The following ABCA10 variants were observed in gnomAD, a reference collection of about 807,000 sequenced individuals.
The protein encoded by ABCA10 is ATP-binding cassette sub-family A member 10.
Under a neutral mutation model 187.5 loss-of-function variants are expected in ABCA10, and 169 were observed. That is an observed-to-expected ratio of 0.90 (90% confidence interval 0.80 to 1.02). ABCA10 has a LOEUF of 1.02. ABCA10 is among the 50% of genes least tolerant of loss of function. The pLI, the probability that ABCA10 is intolerant of heterozygous loss-of-function variation, is 0.00. For missense variants in ABCA10, 1,727 were observed against 1,812.4 expected (o/e 0.95, Z 0.86); for synonymous variants, 574 against 601.8 (o/e 0.95, Z 0.68).
chr17:69,175,459 TCAA>T lies in ABCA10; in HGVS notation c.2821_2823del (p.Leu941del). Reference sequence around the variant, plus strand: ...ATAAAAGGAGAAACGCAGTTTGTGATCAACAACAAAAATATGGACCCATCTATA... The same window carrying T: ...ATAAAAGGAGAAACGCAGTTTGTGATCAACAAAAATATGGACCCATCTATA... On this transcript the variant is annotated inframe_deletion, in exon 23 of 39. Transcript: ENST00000690296. 1 of 1,612,220 alleles carries T rather than the reference TCAA, an allele frequency of 6.2e-7. No individual in the cohort carries two copies. Among genetic ancestry groups the T allele is most frequent in the Non-Finnish European group, 8.5e-7 (1 of 1,178,808 alleles).
At chr17:69,211,174 CA>C (rs377365744) in intron 9 of ABCA10, among the ~76,000 whole-genome samples, 40 of 151,096 alleles carry the variant, frequency 2.6e-4, no homozygotes, top group African/African-American at 9.7e-4. Context: ...AAGACACTTG[CA>C]TATGAATGTT....
intron 12 of ABCA10, 145 bp from the exon 13 acceptor site, chr17:69,194,134 G>T: frequency 1.2e-6 from 1 of 837,032 alleles, no homozygotes; most frequent in South Asian, 1.9e-5. Context: ...TTAATACATT[G>T]AATAATTCAG....
chr17:69,170,265 G>A (rs1304592801), intron 25 of ABCA10, among the ~76,000 whole-genome samples: 1 of 145,278 alleles, frequency 6.9e-6, no homozygotes, highest in Non-Finnish European at 1.5e-5. Flanking sequence ...TCCAGCCTGG[G>A]CAACAGAGTG....
At chr17:69,184,716 G>A (rs1435153804) in intron 20 of ABCA10, among the ~76,000 whole-genome samples, 6 of 151,928 alleles carry the variant, frequency 3.9e-5, no homozygotes, top group Non-Finnish European at 5.9e-5. Context: ...TCTACTCAGA[G>A]GAAAAGAAGT....
intron 6 of ABCA10, 148 bp from the exon 7 acceptor site, chr17:69,216,506 A>G (rs1328441135): frequency 2.4e-6 from 2 of 837,556 alleles, no homozygotes; most frequent in Non-Finnish European, 3.5e-6. Flanking sequence ...ACTATTAGCA[A>G]GTTATTTATC....
At chr17:69,174,905 TC>T in intron 23 of ABCA10, 128 bp from the exon 24 acceptor site, 2 of 747,942 alleles carry the variant, frequency 2.7e-6, no homozygotes, top group South Asian at 9.4e-5. Context: ...AAAAGCATCC[TC>T]CTAAAAATCT....
chr17:69,156,749 A>C, intron 28 of ABCA10, 83 bp downstream of exon 28: 1 of 847,826 alleles, frequency 1.2e-6, no homozygotes, highest in Non-Finnish European at 1.6e-6. Flanking sequence ...TCAAAAACAA[A>C]AACAAATAAA....
At chr17:69,163,543 C>T (rs1024663678) in intron 27 of ABCA10, among the ~76,000 whole-genome samples, 3 of 152,212 alleles carry the variant, frequency 2.0e-5, no homozygotes, top group African/African-American at 4.8e-5. Flanking sequence ...GTTTATAAAT[C>T]AAAACAAATT....
intron 5 of ABCA10, 26 bp downstream of exon 5, chr17:69,221,766 A>T (rs2074749418): frequency 6.4e-7 from 1 of 1,566,342 alleles, no homozygotes; most frequent in African/African-American, 1.4e-5. Flanking sequence ...CAGATTTAAA[A>T]TATAGCTTTG....
Position 69,216,188 on chromosome 17 carries a change from T to C in ABCA10, c.672+29A>G, listed in dbSNP as rs778858632. ...CATGTATCTGTAATCTGAAACAGGT[T>C]AAGAGGTAATATGCTTTTACCAACT... On this transcript the variant is annotated intron_variant, in intron 7 of 38. Coordinates refer to ENST00000690296, the MANE Select transcript of ABCA10 (RefSeq NM_001377321.1). The C allele has an allele frequency of 3.1e-6, 5 of 1,596,976 alleles. No individual in the cohort carries two copies. The Admixed American group carries it at 7.0e-5, about 22-fold the overall frequency.
intron 10 of ABCA10, among the ~76,000 whole-genome samples, chr17:69,200,265 T>C: frequency 6.6e-6 from 1 of 152,222 alleles, no homozygotes. Context: ...TGACAAATTG[T>C]GTATTATTGT....
chr17:69,158,195 C>G (rs116816755), intron 27 of ABCA10, among the ~76,000 whole-genome samples: 1 of 151,898 alleles, frequency 6.6e-6, no homozygotes, highest in Non-Finnish European at 1.5e-5. Context: ...AATGTAAGGA[C>G]GCCTTCTTGC....
chr17:69,235,919 C>T (rs1258194979), intron 1 of ABCA10, among the ~76,000 whole-genome samples: 2 of 152,124 alleles, frequency 1.3e-5, no homozygotes, highest in African/African-American at 4.8e-5. Flanking sequence ...TTAAATTGTA[C>T]ATTGTAAATT....
chr17:69,152,226 T>A, intron 35 of ABCA10, 43 bp from the exon 36 acceptor site: 2 of 1,586,558 alleles, frequency 1.3e-6, no homozygotes, highest in Non-Finnish European at 1.7e-6. Context: ...TCTCTTAATT[T>A]CTTCCTCGGT....
At chr17:69,170,724 G>T (rs1181570793) in intron 25 of ABCA10, among the ~76,000 whole-genome samples, 1 of 151,398 alleles carries the variant, frequency 6.6e-6, no homozygotes, top group Non-Finnish European at 1.5e-5. Flanking sequence ...TGAAACAACT[G>T]TCCCTTACAT....
intron 3 of ABCA10, among the ~76,000 whole-genome samples, chr17:69,223,422 G>A (rs1184223301): frequency 6.6e-6 from 1 of 152,160 alleles, no homozygotes; most frequent in Non-Finnish European, 1.5e-5. Flanking sequence ...ATAAATGAAT[G>A]AGTTTACAAT....
intron 1 of ABCA10, among the ~76,000 whole-genome samples, chr17:69,241,073 A>G (rs762729513): frequency 1.6e-4 from 24 of 152,212 alleles, no homozygotes; most frequent in Non-Finnish European, 1.5e-4. Context: ...TAACAAATAC[A>G]AAACTGATCT....
At chr17:69,243,359 CT>C (rs1285284995) in intron 1 of ABCA10, among the ~76,000 whole-genome samples, 1 of 152,204 alleles carries the variant, frequency 6.6e-6, no homozygotes, top group Non-Finnish European at 1.5e-5. Flanking sequence ...ATGATACAGC[CT>C]GTTGGTCCTA....
At chr17:69,211,225 G>C (rs1224301726) in intron 9 of ABCA10, among the ~76,000 whole-genome samples, 2 of 149,340 alleles carry the variant, frequency 1.3e-5, no homozygotes, top group African/African-American at 4.9e-5. Context: ...TAGGGAACCA[G>C]CTTTAAATAA....
Sources: allele counts gnomAD v4.1 joint callset (sites outside exome capture counted in the v4.1 genomes callset), GRCh38; gene constraint gnomAD v4.1.1; transcripts MANE v1.5; gene names NCBI Gene and HGNC (gene_info 2026-07-23, HGNC 2026-07-21).